IFNAR2: variants seen among roughly 807,000 people sequenced by gnomAD.
IFNAR2 encodes the protein interferon alpha/beta receptor 2.
In IFNAR2, 30 loss-of-function variants were observed where a neutral mutation model predicts 49.4. The ratio of observed to expected loss-of-function variants is 0.61; its 90% CI spans 0.45 to 0.82. The LOEUF is 0.82. Ranked by LOEUF, IFNAR2 falls within the 40% of genes least tolerant of loss-of-function variation. The pLI, the probability that IFNAR2 is intolerant of heterozygous loss-of-function variation, is 0.00. For synonymous variants in IFNAR2, 224 were observed against 234.5 expected (o/e 0.96, Z 0.41); for missense variants, 600 against 622.7 (o/e 0.96, Z 0.39).
At chr21:33,256,313 G>A (rs955942908) in intron 7 of IFNAR2, among the ~76,000 whole-genome samples, 5 of 152,158 alleles carry the variant, frequency 3.3e-5, no homozygotes, top group Admixed American at 6.5e-5. Flanking sequence ...ATTATTACCC[G>A]AGATAGGTCA....
Position 33,245,083 on chromosome 21 carries a change from G to T in IFNAR2, c.221+9G>T. On this transcript the variant is annotated intron_variant, in intron 4 of 8. Coordinates refer to ENST00000342136, the MANE Select transcript of IFNAR2 (RefSeq NM_001289125.3). ...CTGTATACAATCATGAGGTTGGTTT[G>T]ATATTTCATTTTCTCTTGGTAAACA... 1 of 1,595,226 alleles carries T rather than the reference G, an allele frequency of 6.3e-7. No homozygotes were observed. Among genetic ancestry groups the T allele is most frequent in the South Asian group, 1.1e-5 (1 of 90,532 alleles).
At chr21:33,260,458 T>C in intron 7 of IFNAR2, 139 bp from the exon 8 acceptor site, 1 of 652,740 alleles carries the variant, frequency 1.5e-6, no homozygotes. Flanking sequence ...CAGTCTCTGG[T>C]ATTTCTCAAT....
chr21:33,241,362 TGTCTA>T (rs1202757273), intron 1 of IFNAR2, among the ~76,000 whole-genome samples: 2 of 152,146 alleles, frequency 1.3e-5, no homozygotes, highest in African/African-American at 4.8e-5. Context: ...ATAATTCAAA[TGTCTA>T]TAGTAGGGGT....
At chr21:33,243,378 C>T (rs1306779029) in intron 2 of IFNAR2, among the ~76,000 whole-genome samples, 4 of 152,146 alleles carry the variant, frequency 2.6e-5, no homozygotes, top group South Asian at 2.1e-4. Flanking sequence ...CCACGACGCC[C>T]GGCCCCAGAT....
chr21:33,251,641 A>G (rs1987843911), intron 6 of IFNAR2: 2 of 985,302 alleles, frequency 2.0e-6, no homozygotes, highest in African/African-American at 3.5e-5. Context: ...TTGAGCTGCT[A>G]GGAATCCTCA....
chr21:33,245,046 C>A lies in IFNAR2; in HGVS notation c.193C>A (p.His65Asn). 1 of 1,610,116 alleles carries A rather than the reference C, an allele frequency of 6.2e-7. No homozygotes were observed. The highest frequency in any genetic ancestry group is 8.5e-7 in the Non-Finnish European group (1 of 1,176,312). ...AAAAAACCACTCCATTGTACCAACT[C>A]ACTATACATTGCTGTATACAATCAT... is the stretch of plus-strand genomic sequence containing the variant. The part of the protein sequence containing the change: ...ELKNHSIVPT[H>N]YTLLYTIMSK... Residue 65 changes from histidine to asparagine, a missense_variant, in exon 4 of 9, where the codon CAC (histidine) becomes AAC (asparagine). Transcript: ENST00000342136.
chr21:33,231,022 C>T (rs909126938), intron 1 of IFNAR2, among the ~76,000 whole-genome samples: 34 of 151,320 alleles, frequency 2.2e-4, no homozygotes, highest in Non-Finnish European at 3.2e-4. Flanking sequence ...TTTTTATTTC[C>T]TTGTTTTGTT....
intron 8 of IFNAR2, among the ~76,000 whole-genome samples, chr21:33,260,976 A>G (rs145644966): frequency 7.9e-4 from 118 of 149,668 alleles, no homozygotes; most frequent in African/African-American, 2.9e-3. Context: ...TTAGTTACAT[A>G]TATATACATG....
chr21:33,265,002 TTGG>T lies in IFNAR2; in HGVS notation c.*1506_*1508del, dbSNP rs1988875374. 1 of 151,724 alleles carries T rather than the reference TTGG, an allele frequency of 6.6e-6. No homozygotes were observed. The highest frequency in any genetic ancestry group is 2.1e-4 in the South Asian group (1 of 4,790). 9.4% of individuals were successfully genotyped at this position (151,724 alleles called of 1,614,324 possible). On this transcript the variant is annotated 3_prime_UTR_variant, in exon 9 of 9. Transcript: ENST00000342136. ...CCAGACCCTGTCTTTAAAAAGGGAG[TTGG>T]TGGGGAGAGGTTCTAGAATGTCATG...
chr21:33,257,066 A>G (rs1988254212), intron 7 of IFNAR2, among the ~76,000 whole-genome samples: 1 of 152,086 alleles, frequency 6.6e-6, no homozygotes, highest in Non-Finnish European at 1.5e-5. Flanking sequence ...GGAGAGAGAA[A>G]TTAAGCAGGC....
Position 33,263,744 on chromosome 21 carries a change from C to G in IFNAR2, c.*244C>G, listed in dbSNP as rs573046709. Reference sequence around the variant, plus strand: ...TTGAAGGAAGCACATGTGCACCTTTCCTTTACACTAATGCACTTAGGATGT... The same window carrying G: ...TTGAAGGAAGCACATGTGCACCTTTGCTTTACACTAATGCACTTAGGATGT... On this transcript the variant is annotated 3_prime_UTR_variant, in exon 9 of 9. Transcript: ENST00000342136. 4 of 515,222 alleles carry G rather than the reference C, an allele frequency of 7.8e-6. No individual in the cohort carries two copies. Among genetic ancestry groups the G allele is most frequent in the African/African-American group, 7.6e-5 (4 of 52,382 alleles). The allele number at this position is 515,222 out of a possible 1,614,324, so 31.9% of individuals were successfully genotyped here. A position where few individuals can be genotyped will look rare whatever the true frequency, so the allele number is the denominator to read the frequency against.
chr21:33,252,876 ACT>A (rs2123504771), intron 7 of IFNAR2, 46 bp downstream of exon 7: 1 of 1,397,676 alleles, frequency 7.2e-7, no homozygotes. Flanking sequence ...TCATGCTTTT[ACT>A]CTGAGGGCAA....
At position 33,252,774 on chromosome 21, in the gene IFNAR2, A is replaced by C; in HGVS notation, c.653A>C (p.Gln218Pro). 3.7e-6 allele frequency: 6 copies of C among 1,614,030 alleles called. No individual in the cohort carries two copies. Among genetic ancestry groups the C allele is most frequent in the Non-Finnish European group, 4.2e-6 (5 of 1,179,898 alleles). Residue 218 changes from glutamine to proline, a missense_variant, in exon 7 of 9, where the codon CAA becomes CCA. By Grantham distance (76) the Gln-to-Pro change is moderately conservative (BLOSUM62 -1). Transcript: ENST00000342136. ...GTTTATTTAGAGCACAGTGATGAGC[A>C]AGCAGTAATAAAGTCTCCCTTAAAA... ...VSVYLEHSDE[Q>P]AVIKSPLKCT...
chr21:33,258,599 C>T (rs961814309), intron 7 of IFNAR2, among the ~76,000 whole-genome samples: 10 of 152,164 alleles, frequency 6.6e-5, no homozygotes, highest in East Asian at 3.9e-4. Context: ...TCATTTGTTA[C>T]GGTGGCAATG....
intron 6 of IFNAR2, among the ~76,000 whole-genome samples, chr21:33,250,689 C>T (rs1987777858): frequency 6.6e-6 from 1 of 152,138 alleles, no homozygotes; most frequent in Non-Finnish European, 1.5e-5. Flanking sequence ...AGGCACCCGC[C>T]AGCACACCCA....
chr21:33,246,819 C>G lies in IFNAR2; in HGVS notation c.323C>G (p.Thr108Ser), dbSNP rs745581365. 6 of 1,614,190 alleles carry G rather than the reference C, an allele frequency of 3.7e-6. No individual in the cohort carries two copies. In the South Asian group the frequency reaches 6.6e-5, roughly 18 times the overall value. ...AGAAGCACACACGAGGCCTATGTCA[C>G]CGTCCTAGAAGGATTCAGCGGGAAC... Reference protein sequence around the residue: ...EWRSTHEAYVTVLEGFSGNTT... With the variant: ...EWRSTHEAYVSVLEGFSGNTT... The change falls in exon 5 of 9, where the codon ACC becomes AGC. Residue 108 changes from threonine to serine, a missense_variant. Transcript: ENST00000342136.
intron 1 of IFNAR2, among the ~76,000 whole-genome samples, chr21:33,239,379 A>G (rs1436055716): frequency 6.6e-6 from 1 of 152,224 alleles, no homozygotes; most frequent in Non-Finnish European, 1.5e-5. Flanking sequence ...CTGCTCATAC[A>G]GGAGTTTCTC....
At chr21:33,234,689 A>G in intron 1 of IFNAR2, 1 of 962,740 alleles carries the variant, frequency 1.0e-6, no homozygotes, top group Non-Finnish European at 1.2e-6. Context: ...TCTCAGGGTG[A>G]ATAGCAGGTA....
In IFNAR2 at chr21:33,230,380, C is replaced by A; in HGVS notation, c.-84+164C>A. 1.8e-6 allele frequency: 1 copy of A among 562,524 alleles called. No homozygotes were observed. Among genetic ancestry groups the A allele is most frequent in the Non-Finnish European group, 2.7e-6 (1 of 365,150 alleles). The allele number at this position is 562,524 out of a possible 1,614,324, so 34.8% of individuals were successfully genotyped here. The stretch of plus-strand genomic sequence containing the variant: ...CTCCCTCTGCGTCTTGAGTATGCGG[C>A]TAGTGCGCCCTTCCTCTCTCCCGGG... On this transcript the variant is annotated intron_variant, in intron 1 of 8. Transcript: ENST00000342136. This position sits in a 1 kb window ranked among gnomAD's most constrained non-coding sequence, Gnocchi z 5.5.
Sources: allele counts gnomAD v4.1 joint callset (sites outside exome capture counted in the v4.1 genomes callset), GRCh38; gene constraint gnomAD v4.1.1; non-coding constraint Gnocchi (gnomAD v3.1); transcripts MANE v1.5; gene names NCBI Gene and HGNC (gene_info 2026-07-23, HGNC 2026-07-21).